MYO5A: variants seen among roughly 807,000 people sequenced by gnomAD.
The protein encoded by MYO5A is unconventional myosin-Va.
Under a neutral mutation model 249.7 loss-of-function variants are expected in MYO5A, and 98 were observed. The observed-to-expected ratio is 0.39, with a 90% CI of 0.33 to 0.46. The LOEUF is 0.46. MYO5A is among the 20% of genes least tolerant of loss of function. The probability of loss-of-function intolerance (pLI) is 0.98; values close to 1 mark genes in which losing one functional copy is unlikely to be tolerated. For synonymous variants in MYO5A, 778 were observed against 810.6 expected (o/e 0.96, Z 0.68); for missense variants, 1,696 against 2,308.8 (o/e 0.73, Z 5.44).
At chr15:52,436,949 GACA>G (rs2075677328) in intron 1 of MYO5A, among the ~76,000 whole-genome samples, 3 of 152,320 alleles carry the variant, frequency 2.0e-5, no homozygotes, top group African/African-American at 7.2e-5. Flanking sequence ...AAATGAGGAT[GACA>G]ACAATAGTCT....
At chr15:52,478,440 C>G (rs1265073166) in intron 1 of MYO5A, among the ~76,000 whole-genome samples, 1 of 152,144 alleles carries the variant, frequency 6.6e-6, no homozygotes, top group Non-Finnish European at 1.5e-5. Flanking sequence ...GTCCGACAAG[C>G]CCCAGTGAGA....
chr15:52,332,160 A>G (rs1013771233), intron 34 of MYO5A, among the ~76,000 whole-genome samples: 4 of 152,226 alleles, frequency 2.6e-5, no homozygotes, highest in African/African-American at 9.6e-5. Flanking sequence ...CAATTCCAAA[A>G]GGGGAAACTG....
chr15:52,314,227 G>C (rs1367039044), intron 40 of MYO5A, 24 bp from the exon 41 acceptor site: 4 of 1,549,526 alleles, frequency 2.6e-6, no homozygotes, highest in East Asian at 4.5e-5. Context: ...AATGATCAAA[G>C]TTTTTGGCAT....
chr15:52,390,722 G>A (rs2042193934), intron 12 of MYO5A, among the ~76,000 whole-genome samples: 1 of 151,974 alleles, frequency 6.6e-6, no homozygotes, highest in African/African-American at 2.4e-5. Context: ...ACCATGCCCA[G>A]CTAATTTTTT....
intron 1 of MYO5A, among the ~76,000 whole-genome samples, chr15:52,465,943 C>T (rs1206777550): frequency 6.6e-6 from 1 of 151,892 alleles, no homozygotes; most frequent in Non-Finnish European, 1.5e-5. Context: ...ATGGCCAGGA[C>T]CGGCCAAAAA....
chr15:52,321,497 G>A lies in MYO5A; in HGVS notation c.4813C>T (p.His1605Tyr). Residue 1605 changes from histidine to tyrosine, a missense_variant, in exon 38 of 42, where the codon CAC becomes TAC. By Grantham distance (83) the His-to-Tyr change is moderately conservative. Transcript: ENST00000399233. The part of the protein sequence containing the change: ...QYSGEEGFMK[H>Y]NTSRQNEHCL... ...TGTTCATTCTGGCGAGATGTGTTGT[G>A]CTTCATAAAGCCCTAGAGTCATAAG... The A allele has an allele frequency of 6.2e-7, 1 of 1,614,174 alleles. No individual in the cohort carries two copies. Among genetic ancestry groups the A allele is most frequent in the South Asian group, 1.1e-5 (1 of 91,086 alleles).
chr15:52,448,505 G>A (rs2075943299), intron 1 of MYO5A, among the ~76,000 whole-genome samples: 1 of 152,132 alleles, frequency 6.6e-6, no homozygotes, highest in South Asian at 2.1e-4. Flanking sequence ...GTTAATGCTG[G>A]AATAAGTTAA....
chr15:52,321,898 A>G (rs1434228875), intron 37 of MYO5A, among the ~76,000 whole-genome samples: 7 of 152,052 alleles, frequency 4.6e-5, no homozygotes, highest in Non-Finnish European at 1.5e-5. Flanking sequence ...AGTTCTTTAT[A>G]GTCCTATTCT....
rs368263345 is a variant in MYO5A, at chr15:52,397,291, T to A, written c.1229A>T (p.Lys410Met). The A allele has an allele frequency of 1.2e-6, 2 of 1,614,002 alleles. No homozygotes were observed. The highest frequency in any genetic ancestry group is 1.7e-6 in the Non-Finnish European group (2 of 1,180,014). The part of the protein sequence containing the change: ...RDALAKHIYA[K>M]LFNWIVDNVN... ...ATTATCTACAATCCAGTTAAAGAGCTTGGCATAGATGTGCTTGGCCAAAGC... is the reference window on the plus strand; with the variant it reads ...ATTATCTACAATCCAGTTAAAGAGCATGGCATAGATGTGCTTGGCCAAAGC... The change falls in exon 10 of 42, where the codon AAG becomes ATG. Residue 410 changes from lysine to methionine, a missense_variant. Physicochemically the swap from Lys to Met is moderately conservative, Grantham distance 95. Coordinates refer to ENST00000399233, the MANE Select transcript of MYO5A (RefSeq NM_001382347.1).
At chr15:52,379,345 C>G (rs1004786174) in intron 18 of MYO5A, among the ~76,000 whole-genome samples, 1 of 152,202 alleles carries the variant, frequency 6.6e-6, no homozygotes, top group African/African-American at 2.4e-5. Flanking sequence ...GGCCTGGTGT[C>G]TTCTAGATGT....
chr15:52,505,092 T>C (rs2077240887), intron 1 of MYO5A: 2 of 600,014 alleles, frequency 3.3e-6, no homozygotes, highest in South Asian at 2.0e-5. Flanking sequence ...TATTAATTTA[T>C]TTTCAAATGC....
At chr15:52,516,573 G>C (rs969746360) in intron 1 of MYO5A, among the ~76,000 whole-genome samples, 1 of 152,152 alleles carries the variant, frequency 6.6e-6, no homozygotes, top group Admixed American at 6.5e-5. Flanking sequence ...CTAGTCCTTC[G>C]GAAGGGCTGC....
chr15:52,359,167 T>G (rs951478499), intron 25 of MYO5A, among the ~76,000 whole-genome samples: 2 of 152,234 alleles, frequency 1.3e-5, no homozygotes, highest in Non-Finnish European at 2.9e-5. Context: ...CATTCTTAAG[T>G]AGAACTAAGA....
chr15:52,527,611 A>C (rs538624242), intron 1 of MYO5A, among the ~76,000 whole-genome samples: 1 of 152,366 alleles, frequency 6.6e-6, no homozygotes, highest in South Asian at 2.1e-4. Context: ...AAGGGATGCA[A>C]GGCAAGTATA....
At chr15:52,402,199 C>G (rs1210815732) in intron 9 of MYO5A, among the ~76,000 whole-genome samples, 1 of 152,178 alleles carries the variant, frequency 6.6e-6, no homozygotes, top group Non-Finnish European at 1.5e-5. Flanking sequence ...TTTTTGAGAC[C>G]TTCCAGGAAC....
chr15:52,356,099 T>C (rs1596334920), intron 25 of MYO5A, among the ~76,000 whole-genome samples: 1 of 152,180 alleles, frequency 6.6e-6, no homozygotes, highest in East Asian at 1.9e-4. Context: ...GAAATAATTG[T>C]ACTATTAGAA....
At chr15:52,422,212 C>G (rs1229433244) in intron 4 of MYO5A, among the ~76,000 whole-genome samples, 1 of 152,152 alleles carries the variant, frequency 6.6e-6, no homozygotes, top group Non-Finnish European at 1.5e-5. Context: ...ATTGTACTCT[C>G]TAAGGAGCAT....
intron 38 of MYO5A, among the ~76,000 whole-genome samples, chr15:52,320,992 G>A (rs1191334655): frequency 2.1e-4 from 32 of 150,076 alleles, no homozygotes; most frequent in Admixed American, 6.6e-4. Context: ...CAGCCTGGGC[G>A]ACAGAGCGAG....
At chr15:52,319,403 T>G (rs569583577) in intron 38 of MYO5A, 61 bp from the exon 39 acceptor site, 2,380 of 1,331,168 alleles carry the variant, frequency 1.8e-3, no homozygotes, top group Non-Finnish European at 2.3e-3. Flanking sequence ...CATGTGCACA[T>G]ATCCATGTGC....
Sources: gnomAD v4.1 joint callset for allele counts (sites outside exome capture counted in the v4.1 genomes callset) on GRCh38, gnomAD v4.1.1 for gene constraint, MANE v1.5 for transcripts, NCBI Gene and HGNC (gene_info 2026-07-23, HGNC 2026-07-21) for gene names.